Variants in PCDHA6 observed in about 807,000 individuals in gnomAD.
PCDHA6 encodes the protein protocadherin alpha 6.
Under a neutral mutation model 60.3 loss-of-function variants are expected in PCDHA6, and 55 were observed. The observed-to-expected ratio is 0.91, with a 90% CI of 0.73 to 1.14. PCDHA6 has a LOEUF of 1.14. PCDHA6 is among the 50% of genes most tolerant of loss of function. The pLI, the probability that PCDHA6 is intolerant of heterozygous loss-of-function variation, is 0.00. For missense variants in PCDHA6, 1,327 were observed against 1,256.5 expected (o/e 1.06, Z -0.85); for synonymous variants, 652 against 557.9 (o/e 1.17, Z -2.38).
At chr5:140,938,508 A>G (rs1563167946) in intron 1 of PCDHA6, among the ~76,000 whole-genome samples, 1 of 152,046 alleles carries the variant, frequency 6.6e-6, no homozygotes, top group African/African-American at 2.4e-5. Context: ...AATTTATCAC[A>G]TATTTTCTGT....
In PCDHA6 at chr5:140,857,043, A is replaced by T. The variant is rs201811819; in HGVS notation, c.2394+26558A>T. Reference sequence around the variant, plus strand: ...AAGGGAAACCCACCTATGGTTGGTCACTGCACGGTCCTAGTGGAACTACTG... The same window carrying T: ...AAGGGAAACCCACCTATGGTTGGTCTCTGCACGGTCCTAGTGGAACTACTG... On this transcript the variant is annotated intron_variant, in intron 1 of 3. Transcript: ENST00000529310. 81 of 1,595,818 alleles carry T rather than the reference A, an allele frequency of 5.1e-5. 4 individuals carry two copies. The highest frequency in any genetic ancestry group is 1.5e-5 in the Non-Finnish European group (18 of 1,165,582).
chr5:140,883,722 A>G (rs1249317360), intron 1 of PCDHA6: 1 of 1,613,546 alleles, frequency 6.2e-7, no homozygotes, highest in Non-Finnish European at 8.5e-7. Context: ...GCGGACGCAC[A>G]GGAGAACGCG....
intron 1 of PCDHA6, chr5:140,855,963 AT>A: frequency 7.1e-7 from 1 of 1,404,396 alleles, no homozygotes; most frequent in Non-Finnish European, 9.7e-7. Context: ...TAAAAAATAG[AT>A]ATAAGAAATA....
chr5:140,834,369 A>T (rs2150215931), intron 1 of PCDHA6: 162 of 1,556,736 alleles, frequency 1.0e-4, no homozygotes, highest in Non-Finnish European at 1.3e-4. Flanking sequence ...TAGAAAAACA[A>T]GCCAATAATT....
chr5:140,915,850 C>A (rs2077335554), intron 1 of PCDHA6, among the ~76,000 whole-genome samples: 1 of 152,140 alleles, frequency 6.6e-6, no homozygotes, highest in South Asian at 2.1e-4. Context: ...GGGGTGACAC[C>A]AGCCAAGTTT....
intron 1 of PCDHA6, chr5:140,842,872 G>A (rs1554139490): frequency 4.4e-6 from 7 of 1,594,088 alleles, no homozygotes; most frequent in Middle Eastern, 2.1e-4. Context: ...GCGGCAAGGT[G>A]TACGCGCTGC....
intron 1 of PCDHA6, chr5:140,869,751 C>G: frequency 1.2e-6 from 2 of 1,613,134 alleles, no homozygotes. Flanking sequence ...CAGCTACAGA[C>G]GGGGGAAAAC....
At chr5:140,915,533 G>C (rs1200323853) in intron 1 of PCDHA6, among the ~76,000 whole-genome samples, 1 of 152,018 alleles carries the variant, frequency 6.6e-6, no homozygotes, top group Non-Finnish European at 1.5e-5. Flanking sequence ...GTACCATCTT[G>C]GAGGTCTTGA....
intron 1 of PCDHA6, among the ~76,000 whole-genome samples, chr5:140,977,625 T>A (rs2096768746): frequency 6.6e-6 from 1 of 152,144 alleles, no homozygotes; most frequent in Non-Finnish European, 1.5e-5. Flanking sequence ...ATCCCAGAGT[T>A]GTAACTTTTT....
intron 1 of PCDHA6, chr5:140,871,194 G>C (rs1391937650): frequency 3.1e-6 from 5 of 1,613,574 alleles, no homozygotes; most frequent in African/African-American, 1.3e-5. Flanking sequence ...ATGTCAACGT[G>C]TACCTGATCA....
chr5:140,966,885 C>A (rs1554228854), intron 1 of PCDHA6: 1 of 1,590,816 alleles, frequency 6.3e-7, no homozygotes, highest in Admixed American at 1.7e-5. Flanking sequence ...CCTGGCCCTG[C>A]GGCCTCCCAG....
At chr5:140,908,041 G>T (rs2073758972) in intron 1 of PCDHA6, among the ~76,000 whole-genome samples, 1 of 152,112 alleles carries the variant, frequency 6.6e-6, no homozygotes, top group Non-Finnish European at 1.5e-5. Context: ...GTATATAATT[G>T]CACATCCGGC....
At chr5:140,893,182 AT>A (rs782024176) in intron 1 of PCDHA6, among the ~76,000 whole-genome samples, 5 of 152,238 alleles carry the variant, frequency 3.3e-5, no homozygotes, top group Non-Finnish European at 5.9e-5. Context: ...CATAGTAGCT[AT>A]TGTGAATAGT....
At position 140,982,581 on chromosome 5, in the gene PCDHA6, C is replaced by CT. The variant is rs782248594; in HGVS notation, c.2542+19dup. 2.4e-5 allele frequency: 38 copies of CT among 1,612,216 alleles called. No homozygotes were observed. The Middle Eastern group carries it at 5.0e-4, about 21-fold the overall frequency. ...AACACCAGGTAAAGAGCTGGGGTCT[C>CT]TCCATTCTTTCTTGGTTTCTGGAAA... On this transcript the variant is annotated intron_variant, in intron 3 of 3. Transcript: ENST00000529310.
chr5:140,963,021 G>A (rs2095729854), intron 1 of PCDHA6, among the ~76,000 whole-genome samples: 1 of 152,150 alleles, frequency 6.6e-6, no homozygotes, highest in Non-Finnish European at 1.5e-5. Flanking sequence ...AGAAAATGAA[G>A]CAATTAACAT....
chr5:140,989,727 A>C (rs1203211477), intron 3 of PCDHA6, among the ~76,000 whole-genome samples: 7 of 152,190 alleles, frequency 4.6e-5, no homozygotes, highest in African/African-American at 1.7e-4. Context: ...TTTGCAGTTG[A>C]AAAGGCCATT....
intron 1 of PCDHA6, among the ~76,000 whole-genome samples, chr5:140,973,558 T>C (rs1427190876): frequency 6.6e-6 from 1 of 152,238 alleles, no homozygotes; most frequent in Admixed American, 6.5e-5. Flanking sequence ...AATTACCTCT[T>C]TCCTCAATTT....
At chr5:140,873,615 A>C (rs1487252868) in intron 1 of PCDHA6, among the ~76,000 whole-genome samples, 3 of 152,280 alleles carry the variant, frequency 2.0e-5, no homozygotes, top group African/African-American at 7.2e-5. Context: ...TTGGCTTAAC[A>C]ATTTGTTTAG....
intron 1 of PCDHA6, among the ~76,000 whole-genome samples, chr5:140,900,673 A>G (rs936784929): frequency 3.3e-5 from 5 of 152,210 alleles, no homozygotes; most frequent in African/African-American, 1.2e-4. Flanking sequence ...GAGTGCAGTT[A>G]TCTCTTCAAT....
Sources: gnomAD v4.1 joint callset for allele counts (sites outside exome capture counted in the v4.1 genomes callset) on GRCh38, gnomAD v4.1.1 for gene constraint, MANE v1.5 for transcripts, NCBI Gene and HGNC (gene_info 2026-07-23, HGNC 2026-07-21) for gene names.